Variants in GATAD2B observed in about 807,000 individuals in gnomAD.
The protein encoded by GATAD2B is transcriptional repressor p66-beta.
GATAD2B carries 8 observed loss-of-function variants against 64.3 expected under a neutral mutation model. The observed-to-expected ratio is 0.12, with a 90% CI of 0.07 to 0.22. The LOEUF (loss-of-function observed/expected upper bound fraction) is 0.22, where lower values mean the gene tolerates loss of function less well. Ranked by LOEUF, GATAD2B falls within the 10% of genes least tolerant of loss-of-function variation. GATAD2B has a pLI of 1.00. For synonymous variants in GATAD2B, 281 were observed against 271.3 expected (o/e 1.04, Z -0.35); for missense variants, 453 against 752.0 (o/e 0.60, Z 4.65).
intron 1 of GATAD2B, among the ~76,000 whole-genome samples, chr1:153,869,764 G>A (rs1414995608): frequency 2.6e-5 from 4 of 152,064 alleles, no homozygotes; most frequent in Non-Finnish European, 2.9e-5. Flanking sequence ...GCATACACAC[G>A]TAACATCCAT....
At chr1:153,878,686 T>C (rs1676910817) in intron 1 of GATAD2B, among the ~76,000 whole-genome samples, 1 of 150,660 alleles carries the variant, frequency 6.6e-6, no homozygotes, top group Non-Finnish European at 1.5e-5. Flanking sequence ...TTCCCAACTC[T>C]CCCCATCAGT....
chr1:153,827,908 A>G, intron 2 of GATAD2B, 105 bp downstream of exon 2: 1 of 811,948 alleles, frequency 1.2e-6, no homozygotes, highest in East Asian at 2.5e-5. Context: ...TCTTCTTTTA[A>G]GAATCTTTAG....
chr1:153,904,596 G>C (rs190041236), intron 1 of GATAD2B, among the ~76,000 whole-genome samples: 1 of 152,088 alleles, frequency 6.6e-6, no homozygotes, highest in African/African-American at 2.4e-5. Context: ...GGCTGGAGTA[G>C]AGTGGCATGA....
At chr1:153,812,723 ACT>A (rs1331896212) in intron 8 of GATAD2B, among the ~76,000 whole-genome samples, 1 of 152,034 alleles carries the variant, frequency 6.6e-6, no homozygotes, top group Non-Finnish European at 1.5e-5. Flanking sequence ...CAAACAAGGG[ACT>A]CTGATGGGTG....
intron 1 of GATAD2B, among the ~76,000 whole-genome samples, chr1:153,898,281 T>C (rs1441422311): frequency 5.0e-5 from 6 of 120,464 alleles, no homozygotes; most frequent in Non-Finnish European, 9.6e-5. Flanking sequence ...CATTTCGGCC[T>C]GGGCAACAGA....
At chr1:153,852,841 C>G (rs112370797) in intron 1 of GATAD2B, 1 of 818,580 alleles carries the variant, frequency 1.2e-6, no homozygotes, top group South Asian at 1.5e-5. Flanking sequence ...TAGTTCTTCC[C>G]CAGTGAGAGG....
chr1:153,869,938 C>T (rs1193446482), intron 1 of GATAD2B, among the ~76,000 whole-genome samples: 1 of 150,950 alleles, frequency 6.6e-6, no homozygotes, highest in East Asian at 2.0e-4. Context: ...CCAGCTGGAA[C>T]AACATGGCAA....
chr1:153,830,668 G>C (rs1207450370), intron 1 of GATAD2B, among the ~76,000 whole-genome samples: 2 of 150,112 alleles, frequency 1.3e-5, no homozygotes, highest in Admixed American at 1.3e-4. Context: ...GTAGAGACGG[G>C]GTTTCACTGT....
chr1:153,906,715 C>T (rs1677948621), intron 1 of GATAD2B, among the ~76,000 whole-genome samples: 2 of 152,030 alleles, frequency 1.3e-5, no homozygotes, highest in Non-Finnish European at 2.9e-5. Context: ...AGTGAAAGGG[C>T]AACCCACTGA....
chr1:153,816,488 G>A lies in GATAD2B; in HGVS notation c.1001C>T (p.Ser334Leu). 9 of 1,613,732 alleles carry A rather than the reference G, an allele frequency of 5.6e-6. No homozygotes were observed. Among genetic ancestry groups the A allele is most frequent in the Admixed American group, 1.7e-5 (1 of 60,036 alleles). ...IQPGTVNRVS[S>L]PLPSPSAMTD... ...CATGGCGCTGGGGCTAGGAAGTGGC[G>A]AGGACACTCTGTTCACCGTCCCTGG... Residue 334 changes from serine to leucine, a missense_variant, in exon 7 of 11, where the codon TCG (serine) becomes TTG (leucine). Transcript: ENST00000368655. This position sits in a 1 kb window ranked among gnomAD's most constrained non-coding sequence, Gnocchi z 4.9.
At position 153,833,278 on chromosome 1, in the gene GATAD2B, C is replaced by T. The variant is rs539499751; in HGVS notation, c.-1-4930G>A. 1.2e-3 allele frequency among the ~76,000 whole-genome samples: 178 copies of T among 152,250 alleles called. 1 individual carries two copies. The highest frequency in any genetic ancestry group is 6.8e-3 in the Middle Eastern group (2 of 292). ...TGCCTGCACTCTCTCAATGGAACAA[C>T]GACGTCTGGATGACAGCACATCTGT... is the stretch of plus-strand genomic sequence containing the variant. On this transcript the variant is annotated intron_variant, in intron 1 of 10. Coordinates refer to ENST00000368655, the MANE Select transcript of GATAD2B (RefSeq NM_020699.4).
At chr1:153,878,913 G>C (rs186554737) in intron 1 of GATAD2B, among the ~76,000 whole-genome samples, 1 of 151,386 alleles carries the variant, frequency 6.6e-6, no homozygotes, top group Non-Finnish European at 1.5e-5. Flanking sequence ...GAGTAGTTGG[G>C]ATTACAGGTG....
intron 7 of GATAD2B, among the ~76,000 whole-genome samples, chr1:153,815,280 C>CAAAAAAAAAAAAAAAAAAAA (rs1159204191): frequency 3.0e-5 from 2 of 66,628 alleles, no homozygotes; most frequent in Non-Finnish European, 5.4e-5. Flanking sequence ...CTCAAAAAAA[C>CAAAAAAAAAAAAAAAAAAAA]AAAAAAAAAA....
chr1:153,830,146 T>C (rs961915262), intron 1 of GATAD2B, among the ~76,000 whole-genome samples: 1 of 151,976 alleles, frequency 6.6e-6, no homozygotes, highest in Non-Finnish European at 1.5e-5. Context: ...TTTATTATAT[T>C]TGTATTTATG....
intron 1 of GATAD2B, among the ~76,000 whole-genome samples, chr1:153,905,402 T>C (rs1381042612): frequency 1.3e-5 from 2 of 151,186 alleles, no homozygotes; most frequent in Non-Finnish European, 3.0e-5. Flanking sequence ...AATACAGTGA[T>C]TCAAGGGCCT....
At chr1:153,886,992 T>C (rs1166059093) in intron 1 of GATAD2B, among the ~76,000 whole-genome samples, 1 of 152,186 alleles carries the variant, frequency 6.6e-6, no homozygotes, top group East Asian at 1.9e-4. Context: ...AGTCCTCTCC[T>C]ACTTCTTATA....
At chr1:153,864,688 A>C (rs920186975) in intron 1 of GATAD2B, among the ~76,000 whole-genome samples, 5 of 152,176 alleles carry the variant, frequency 3.3e-5, no homozygotes, top group Non-Finnish European at 1.5e-5. Context: ...AGAAAGCAAC[A>C]ACAAAAAACC....
At chr1:153,852,813 T>G in intron 1 of GATAD2B, 1 of 892,650 alleles carries the variant, frequency 1.1e-6, no homozygotes, top group Non-Finnish European at 1.9e-6. Context: ...ATCCTTCAAC[T>G]TTTTTTGCTT....
At chr1:153,852,735 C>G in intron 1 of GATAD2B, 1 of 917,624 alleles carries the variant, frequency 1.1e-6, no homozygotes, top group South Asian at 1.3e-5. Flanking sequence ...GCTTGGTAGA[C>G]AGGGAGTGAA....
Sources: gnomAD v4.1 joint callset for allele counts (sites outside exome capture counted in the v4.1 genomes callset) on GRCh38, gnomAD v4.1.1 for gene constraint, Gnocchi (gnomAD v3.1) non-coding constraint, MANE v1.5 for transcripts, NCBI Gene and HGNC (gene_info 2026-07-23, HGNC 2026-07-21) for gene names.